ARL17A: variants seen among roughly 807,000 people sequenced by gnomAD.
ARL17A encodes the protein ARF like GTPase 17A.
At chr17:46,530,134 C>T (rs2053455389) in intron 4 of ARL17A, among the ~76,000 whole-genome samples, 1 of 136,848 alleles carries the variant, frequency 7.3e-6, no homozygotes, top group African/African-American at 2.5e-5. Flanking sequence ...TCAAGCTTTC[C>T]TTCTGCTTTG....
downstream of ARL17A, among the ~76,000 whole-genome samples, chr17:46,551,036 C>T (rs2056748107): frequency 6.7e-6 from 1 of 149,878 alleles, no homozygotes; most frequent in South Asian, 2.1e-4. Flanking sequence ...ACAGAGTAGC[C>T]ATCTTTTACA....
At chr17:46,550,971 C>T (rs1322971837), downstream of ARL17A, among the ~76,000 whole-genome samples, 2 of 149,540 alleles carry the variant, frequency 1.3e-5, no homozygotes, top group African/African-American at 2.6e-5. Flanking sequence ...TAGATTTACA[C>T]AGTATCGTCC....
intron 3 of ARL17A, among the ~76,000 whole-genome samples, chr17:46,543,258 AT>A (rs916841810): frequency 1.3e-5 from 2 of 150,574 alleles, no homozygotes; most frequent in African/African-American, 5.0e-5. Context: ...AGGCCAGCTC[AT>A]TTGAGTCTTG....
chr17:46,545,734 G>T (rs4246414), intron 3 of ARL17A, among the ~76,000 whole-genome samples: 75,251 of 119,818 alleles, frequency 0.63, 25,653 homozygotes, highest in Middle Eastern at 0.81. Context: ...TTAAATATGT[G>T]GTAACTTATT....
chr17:46,521,025 CAG>C (rs2052206817), intron 3 of ARL17A, among the ~76,000 whole-genome samples: 1 of 80,596 alleles, frequency 1.2e-5, no homozygotes, highest in South Asian at 5.1e-4. Context: ...TATATTAAAA[CAG>C]ATGTTTAAAA....
intron 3 of ARL17A, among the ~76,000 whole-genome samples, chr17:46,542,934 C>G (rs1177510176): frequency 6.7e-6 from 1 of 149,866 alleles, no homozygotes; most frequent in African/African-American, 2.5e-5. Flanking sequence ...AGGTCACTTT[C>G]TTATCTTGAC....
At chr17:46,529,578 C>A (rs1314565584) in intron 4 of ARL17A, among the ~76,000 whole-genome samples, 3 of 75,888 alleles carry the variant, frequency 4.0e-5, no homozygotes, top group Non-Finnish European at 1.1e-4. Context: ...GAGGCCAAGA[C>A]AGGCAGATCG....
rs1310377980 is a variant in ARL17A at position 46,530,388 on chromosome 17, C to T, written c.336-1529G>A. On this transcript the variant is annotated intron_variant, in intron 4 of 4. Transcript: ENST00000329240. ...GCACTCACATTCTTTCTCTTTGTAA[C>T]ATCATCTTATTGAATATTAGTGTTA... Among the ~76,000 whole-genome samples the T allele has an allele frequency of 2.8e-4, 40 of 144,934 alleles. No individual in the cohort carries two copies. The South Asian group carries it at 8.6e-3, about 31-fold the overall frequency.
At chr17:46,528,715 A>T (rs1598360181), downstream of ARL17A, 27 of 662,212 alleles carry the variant, frequency 4.1e-5, 1 homozygote, top group African/African-American at 2.5e-4. Context: ...ACAGAGTGAG[A>T]CTTCATCTCA....
chr17:46,548,751 A>C, downstream of ARL17A: 1 of 1,610,834 alleles, frequency 6.2e-7, no homozygotes, highest in Non-Finnish European at 8.5e-7. Context: ...CCGAAGAAAA[A>C]AGGCTCGGGA....
chr17:46,502,233 A>G, the ARL17A span, among the ~76,000 whole-genome samples: 1 of 151,196 alleles, frequency 6.6e-6, no homozygotes, highest in South Asian at 2.1e-4. Context: ...GGGCATTCAT[A>G]TTAGATTTAT....
Position 46,545,070 on chromosome 17 carries a change from C to T in ARL17A, c.260-6644G>A, listed in dbSNP as rs112703365. Among the ~76,000 whole-genome samples, 14 of 136,676 alleles carry T rather than the reference C, an allele frequency of 1.0e-4. No individual in the cohort carries two copies. The East Asian group carries it at 1.1e-3, about 11-fold the overall frequency. The allele number at this position is 136,676 out of a possible 152,430, so 89.7% of individuals were successfully genotyped here. On this transcript the variant is annotated intron_variant, in intron 3 of 4. Coordinates refer to the ARL17A transcript ENST00000329240. ...CATAGGTGATGTATCCTTCCTGCCT[C>T]GTAACCGCAGATGGCCTGTAATACT...
chr17:46,548,852 C>A (rs760522683), downstream of ARL17A: 1 of 1,612,326 alleles, frequency 6.2e-7, no homozygotes, highest in African/African-American at 1.4e-5. Flanking sequence ...CCTTCCTTCA[C>A]CCAAGAGCAT....
chr17:46,541,719 A>T (rs2055356265), intron 3 of ARL17A, among the ~76,000 whole-genome samples: 1 of 150,988 alleles, frequency 6.6e-6, no homozygotes, highest in African/African-American at 2.5e-5. Flanking sequence ...CAACAATAAA[A>T]GCAGTAGAAA....
In ARL17A at chr17:46,557,416, G is replaced by GGT. The variant is rs1235665249; in HGVS notation, c.473_474insAC (p.Ser158ArgfsTer9). ...AAGTCAGGAAACTTGGGAAACCGCT[G>GGT]CTGAGGTCCTTGCAGCCCCACGGTC... On this transcript the variant is annotated frameshift_variant, in exon 4 of 4. Coordinates refer to ENST00000336125, the MANE Select transcript of ARL17A (RefSeq NM_001113738.2). LOFTEE classifies it high-confidence loss of function. 1.7e-5 allele frequency: 8 copies of GGT among 473,546 alleles called. No homozygotes were observed. The highest frequency in any genetic ancestry group is 4.8e-4 in the Middle Eastern group (1 of 2,092). 29.3% of individuals were successfully genotyped at this position (473,546 alleles called of 1,614,324 possible).
At chr17:46,543,188 C>CT in intron 3 of ARL17A, among the ~76,000 whole-genome samples, 1 of 150,604 alleles carries the variant, frequency 6.6e-6, no homozygotes, top group Non-Finnish European at 1.5e-5. Flanking sequence ...AACTAAATGT[C>CT]TTATGGGAGT....
At chr17:46,541,909 C>T (rs1037278019) in intron 3 of ARL17A, among the ~76,000 whole-genome samples, 6 of 148,338 alleles carry the variant, frequency 4.0e-5, no homozygotes, top group African/African-American at 1.6e-4. Flanking sequence ...GACAACTGTT[C>T]ACTCCTTTTT....
At chr17:46,539,768 C>CAAA (rs1204528686) in intron 3 of ARL17A, among the ~76,000 whole-genome samples, 14 of 67,010 alleles carry the variant, frequency 2.1e-4, no homozygotes, top group East Asian at 3.6e-4. Context: ...GACTCCATCT[C>CAAA]AAAAAAAAAA....
At chr17:46,539,865 A>G (rs141199219) in intron 3 of ARL17A, among the ~76,000 whole-genome samples, 10,885 of 133,188 alleles carry the variant, frequency 0.082, 1 homozygote, top group Middle Eastern at 0.13. Flanking sequence ...CTCCACAGTC[A>G]GGGCTTCCTA....
Sources: allele counts gnomAD v4.1 joint callset (sites outside exome capture counted in the v4.1 genomes callset), GRCh38; gene constraint gnomAD v4.1.1; transcripts MANE v1.5; gene names NCBI Gene and HGNC (gene_info 2026-07-23, HGNC 2026-07-21).